Variants in ATF2 observed in about 807,000 individuals in gnomAD.
ATF2 encodes the protein activating transcription factor 2.
ATF2 carries 24 observed loss-of-function variants against 60.6 expected under a neutral mutation model. That is an observed-to-expected ratio of 0.40 (90% CI 0.29 to 0.56). ATF2 has a LOEUF of 0.56. ATF2 is among the 20% of genes least tolerant of loss of function. The pLI is 0.54. For synonymous variants in ATF2, 206 were observed against 215.4 expected (o/e 0.96, Z 0.38); for missense variants, 433 against 607.7 (o/e 0.71, Z 3.02).
intron 12 of ATF2, among the ~76,000 whole-genome samples, chr2:175,088,381 ATT>A (rs1471665849): frequency 2.6e-5 from 4 of 152,130 alleles, no homozygotes; most frequent in African/African-American, 9.6e-5. Flanking sequence ...GAAATAAAAT[ATT>A]GTCTGGTACC....
rs1176905315 is a variant in ATF2 at position 175,163,918 on chromosome 2, C to CAAAAAAA, written c.-143+4125_-143+4131dup. ...CCTGGGTGACATAGCAACTCCGTCT[C>CAAAAAAA]AAAAAAAAAAAAAAGAAAAGTGAAA... On this transcript the variant is annotated intron_variant, in intron 1 of 13. Transcript: ENST00000264110. Among the ~76,000 whole-genome samples the CAAAAAAA allele has an allele frequency of 7.3e-4, 22 of 30,322 alleles. 2 individuals carry two copies. The highest frequency in any genetic ancestry group is 1.0e-3 in the Admixed American group (2 of 1,998). The allele number at this position is 30,322 out of a possible 152,430, so 19.9% of individuals were successfully genotyped here. A position where few individuals can be genotyped will look rare whatever the true frequency, so the allele number is the denominator to read the frequency against.
At chr2:175,143,723 C>G (rs1698755375) in intron 2 of ATF2, among the ~76,000 whole-genome samples, 2 of 152,030 alleles carry the variant, frequency 1.3e-5, no homozygotes, top group South Asian at 4.1e-4. Context: ...TCTTGACACA[C>G]TAATGAGGCT....
intron 4 of ATF2, among the ~76,000 whole-genome samples, chr2:175,124,295 A>AT (rs1358894976): frequency 2.9e-4 from 42 of 144,778 alleles, no homozygotes; most frequent in South Asian, 8.8e-4. Flanking sequence ...AAAAAAAAAG[A>AT]TTTTTTTTTT....
chr2:175,153,484 ATT>A (rs1218450308), intron 1 of ATF2, among the ~76,000 whole-genome samples: 1 of 152,192 alleles, frequency 6.6e-6, no homozygotes, highest in East Asian at 1.9e-4. Context: ...AGAAAATGGT[ATT>A]TGTGTATCTA....
At chr2:175,134,659 C>T (rs557289813) in intron 3 of ATF2, among the ~76,000 whole-genome samples, 1 of 151,830 alleles carries the variant, frequency 6.6e-6, no homozygotes, top group Non-Finnish European at 1.5e-5. Flanking sequence ...TATAGAATTT[C>T]AACAAGTGCA....
Position 175,079,866 on chromosome 2 carries a change from T to C in ATF2, c.1291+794A>G, listed in dbSNP as rs1693649748. Among the ~76,000 whole-genome samples, 5 of 152,156 alleles carry C rather than the reference T, an allele frequency of 3.3e-5. No individual in the cohort carries two copies. In the South Asian group the frequency reaches 1.0e-3, roughly 32 times the overall value. On this transcript the variant is annotated intron_variant, in intron 13 of 13. Coordinates refer to ENST00000264110, the MANE Select transcript of ATF2 (RefSeq NM_001880.4). ...ATCACTAAATCATAAAGACTAAAAC[T>C]GTGGGTTATATATTATAAATGTTGC...
At chr2:175,104,814 TTCTACAAGTATAA>T (rs1397562503) in intron 10 of ATF2, among the ~76,000 whole-genome samples, 1 of 139,612 alleles carries the variant, frequency 7.2e-6, no homozygotes, top group Non-Finnish European at 1.5e-5. Context: ...GTATTTTACG[TTCTACAAGTATAA>T]TCTAATCTAA....
intron 12 of ATF2, among the ~76,000 whole-genome samples, chr2:175,084,469 G>C (rs1166206408): frequency 8.1e-6 from 1 of 123,864 alleles, no homozygotes; most frequent in Admixed American, 1.0e-4. Flanking sequence ...ACAGGAAGGG[G>C]AACATCACAC....
rs762556660 is a variant in ATF2, at chr2:175,114,840, G to C, written c.476C>G (p.Pro159Arg). 65 of 1,613,632 alleles carry C rather than the reference G, an allele frequency of 4.0e-5. No individual in the cohort carries two copies. The highest frequency in any genetic ancestry group is 4.7e-5 in the Non-Finnish European group (55 of 1,179,768). Reference sequence around the variant, plus strand: ...TGCTGGACGAACAATAGCTGATGTGGGCTGTGCAGTTTGTGCCAATGGTAC... The same window carrying C: ...TGCTGGACGAACAATAGCTGATGTGCGCTGTGCAGTTTGTGCCAATGGTAC... ...KEVPLAQTAQ[P>R]TSAIVRPASL... Residue 159 changes from proline (P) to arginine (R), a missense_variant, in exon 8 of 14, where the codon CCC becomes CGC. Transcript: ENST00000264110.
At chr2:175,154,926 T>C (rs1281325037) in intron 1 of ATF2, among the ~76,000 whole-genome samples, 2 of 152,206 alleles carry the variant, frequency 1.3e-5, no homozygotes, top group Non-Finnish European at 2.9e-5. Flanking sequence ...CTCTTGGGCA[T>C]GGCCTCAAAA....
chr2:175,112,905 T>C (rs1249779269), intron 9 of ATF2, among the ~76,000 whole-genome samples: 1 of 152,204 alleles, frequency 6.6e-6, no homozygotes, highest in Non-Finnish European at 1.5e-5. Context: ...TTTTAAAAGC[T>C]ACACTGTAAA....
At position 175,127,675 on chromosome 2, in the gene ATF2, T is replaced by C. The variant is rs1179610678; in HGVS notation, c.102+2463A>G. 2.0e-5 allele frequency among the ~76,000 whole-genome samples: 3 copies of C among 152,200 alleles called. No homozygotes were observed. The East Asian group carries it at 5.8e-4, about 29-fold the overall frequency. The stretch of plus-strand genomic sequence containing the variant: ...TGCGTTTCTGTTCTTAAACACACCA[T>C]ACACATTCCCTCCCTAGAGCTTTTA... On this transcript the variant is annotated intron_variant, in intron 4 of 13. Transcript: ENST00000264110.
chr2:175,116,730 A>C (rs1345149881), intron 7 of ATF2, among the ~76,000 whole-genome samples: 3 of 151,756 alleles, frequency 2.0e-5, no homozygotes, highest in Admixed American at 6.6e-5. Context: ...AAGAAGGAAT[A>C]CTCCTAAAAG....
In ATF2 at chr2:175,114,050, C is replaced by A; in HGVS notation, c.685G>T (p.Val229Phe). Residue 229 changes from valine to phenylalanine, a missense_variant, in exon 9 of 14, where the codon GTT (valine) becomes TTT (phenylalanine). Transcript: ENST00000264110. ...CTTGTAATTGATGCAGGAATAGCAA[C>A]AGGCATGGTTTGTCCATTAGGAAGA... ...LHLPNGQTMP[V>F]AIPASITSSN... 1 of 1,613,204 alleles carries A rather than the reference C, an allele frequency of 6.2e-7. No homozygotes were observed. Among genetic ancestry groups the A allele is most frequent in the Non-Finnish European group, 8.5e-7 (1 of 1,179,764 alleles).
chr2:175,098,193 A>C (rs946097251), intron 10 of ATF2, among the ~76,000 whole-genome samples: 4 of 152,250 alleles, frequency 2.6e-5, no homozygotes, highest in Admixed American at 2.6e-4. Flanking sequence ...GATTTGCTAC[A>C]TAGGTACAAA....
intron 2 of ATF2, among the ~76,000 whole-genome samples, chr2:175,137,959 A>G (rs1403900328): frequency 1.3e-5 from 2 of 152,222 alleles, no homozygotes; most frequent in East Asian, 3.8e-4. Context: ...TCTAAAGCCT[A>G]TAAATCCAGG....
intron 2 of ATF2, among the ~76,000 whole-genome samples, chr2:175,148,332 T>G (rs1286567057): frequency 1.3e-5 from 2 of 151,274 alleles, no homozygotes; most frequent in Admixed American, 1.3e-4. Context: ...CTGAGTTGAG[T>G]TTTCTCAAAG....
intron 2 of ATF2, among the ~76,000 whole-genome samples, chr2:175,144,576 GA>G (rs993267083): frequency 1.3e-5 from 2 of 152,194 alleles, no homozygotes; most frequent in African/African-American, 4.8e-5. Flanking sequence ...AACAAATATA[GA>G]GTGTCTGCAC....
Position 175,107,796 on chromosome 2 carries a change from T to C in ATF2, c.828+3772A>G, listed in dbSNP as rs1408945447. ...GTTGGCCGGGCTGGTCTCCAGCTCC[T>C]AACCGCGAGTGATCTGCCAGCCTCG... On this transcript the variant is annotated intron_variant, in intron 10 of 13. Transcript: ENST00000264110. Among the ~76,000 whole-genome samples the C allele has an allele frequency of 3.3e-5, 5 of 152,252 alleles. No homozygotes were observed. The East Asian group carries it at 7.7e-4, about 23-fold the overall frequency.
Sources: allele counts gnomAD v4.1 joint callset (sites outside exome capture counted in the v4.1 genomes callset), GRCh38; gene constraint gnomAD v4.1.1; transcripts MANE v1.5; gene names NCBI Gene and HGNC (gene_info 2026-07-23, HGNC 2026-07-21).